The following BZW2 variants were observed in gnomAD, a reference collection of about 807,000 sequenced individuals.
BZW2 encodes eIF5-mimic protein 1.
Under a neutral mutation model 53.2 loss-of-function variants are expected in BZW2, and 23 were observed. The ratio of observed to expected loss-of-function variants is 0.43; its 90% confidence interval spans 0.31 to 0.61. The LOEUF (loss-of-function observed/expected upper bound fraction) is 0.61, where lower values mean the gene tolerates loss of function less well. Among genes scored for constraint, BZW2 ranks in the 20% least tolerant of loss-of-function variants. The pLI is 0.09. For synonymous variants in BZW2, 227 were observed against 186.4 expected (o/e 1.22, Z -1.77); for missense variants, 409 against 503.1 (o/e 0.81, Z 1.79).
At chr7:16,675,596 GC>G (rs1204434370) in intron 3 of BZW2, among the ~76,000 whole-genome samples, 1 of 152,126 alleles carries the variant, frequency 6.6e-6, no homozygotes, top group African/African-American at 2.4e-5. Flanking sequence ...TGACTACTAG[GC>G]CTTCTGTCAT....
chr7:16,667,842 T>A (rs941532313), intron 2 of BZW2, among the ~76,000 whole-genome samples: 5 of 152,196 alleles, frequency 3.3e-5, no homozygotes, highest in African/African-American at 1.2e-4. Flanking sequence ...CTGAGCCACT[T>A]CTCTATTTAG....
intron 8 of BZW2, chr7:16,696,025 T>C (rs945939912): frequency 6.6e-6 from 1 of 152,198 alleles, no homozygotes; most frequent in Non-Finnish European, 1.5e-5. Flanking sequence ...GCACAGGGAC[T>C]GGGACTGCCC....
intron 1 of BZW2, among the ~76,000 whole-genome samples, chr7:16,660,397 A>AT (rs914990634): frequency 2.3e-5 from 3 of 129,028 alleles, no homozygotes; most frequent in East Asian, 2.6e-4. Context: ...GAGACTCCAT[A>AT]TTTAAAAAAA....
intron 10 of BZW2, among the ~76,000 whole-genome samples, chr7:16,699,295 C>T (rs1190393504): frequency 6.6e-6 from 1 of 152,152 alleles, no homozygotes; most frequent in African/African-American, 2.4e-5. Flanking sequence ...CATAAGATAG[C>T]AGTGTCCTAA....
chr7:16,682,919 C>A, intron 5 of BZW2, 74 bp downstream of exon 5: 2 of 1,026,608 alleles, frequency 1.9e-6, no homozygotes, highest in Non-Finnish European at 2.8e-6. Context: ...TATAAGTGGC[C>A]GGACACGGTG....
At chr7:16,665,580 T>C (rs1782399151) in intron 2 of BZW2, 79 bp downstream of exon 2, 9 of 1,564,380 alleles carry the variant, frequency 5.8e-6, no homozygotes, top group Non-Finnish European at 6.9e-6. Context: ...GAATGATCCC[T>C]GTTTCCCCCA....
At chr7:16,677,778 T>C (rs1782811529) in intron 3 of BZW2, among the ~76,000 whole-genome samples, 1 of 152,154 alleles carries the variant, frequency 6.6e-6, no homozygotes, top group Non-Finnish European at 1.5e-5. Flanking sequence ...AAAGGCCTGG[T>C]CCAGTAAATA....
chr7:16,675,637 A>C (rs1330695134), intron 3 of BZW2, among the ~76,000 whole-genome samples: 1 of 152,114 alleles, frequency 6.6e-6, no homozygotes, highest in Non-Finnish European at 1.5e-5. Flanking sequence ...CCACATACTG[A>C]ATTAGTTTTG....
chr7:16,681,548 A>G (rs1360611105), intron 4 of BZW2, 144 bp downstream of exon 4: 1 of 682,056 alleles, frequency 1.5e-6, no homozygotes, highest in African/African-American at 1.8e-5. Flanking sequence ...CTACAAAAAT[A>G]GGCCTAGCAG....
At chr7:16,686,279 A>C (rs55919881) in intron 6 of BZW2, 106,270 of 463,950 alleles carry the variant, frequency 0.23, 14,474 homozygotes, top group Non-Finnish European at 0.29. Flanking sequence ...AAGAAAGACT[A>C]ATAGCAAATT....
intron 3 of BZW2, among the ~76,000 whole-genome samples, chr7:16,676,081 G>A (rs554942962): frequency 2.0e-5 from 3 of 152,106 alleles, no homozygotes; most frequent in South Asian, 4.2e-4. Flanking sequence ...ATTCTCTCTC[G>A]AAAAGAAAAA....
At chr7:16,677,794 T>C (rs575416759) in intron 3 of BZW2, among the ~76,000 whole-genome samples, 3 of 152,226 alleles carry the variant, frequency 2.0e-5, no homozygotes, top group East Asian at 1.9e-4. Context: ...AAATAATAAT[T>C]TGGGCGTCTG....
intron 3 of BZW2, among the ~76,000 whole-genome samples, chr7:16,678,112 T>TA (rs1554266840): frequency 3.9e-4 from 56 of 143,736 alleles, no homozygotes; most frequent in Middle Eastern, 3.5e-3. Flanking sequence ...TTTTTTTTTT[T>TA]AATGCTGTCG....
At chr7:16,699,905 A>C (rs933957865) in intron 10 of BZW2, among the ~76,000 whole-genome samples, 23 of 152,192 alleles carry the variant, frequency 1.5e-4, no homozygotes, top group Admixed American at 4.6e-4. Context: ...GTATGACCTG[A>C]AATTAGAAAA....
intron 3 of BZW2, among the ~76,000 whole-genome samples, chr7:16,677,444 A>C (rs34542171): frequency 0.095 from 14,387 of 152,080 alleles, 786 homozygotes; most frequent in East Asian, 0.23. Context: ...AGGTTGGCCA[A>C]CGACCGCTCT....
In BZW2 at chr7:16,682,823, C is replaced by A; in HGVS notation, c.383C>A (p.Ala128Glu). 1 of 1,576,562 alleles carries A rather than the reference C, an allele frequency of 6.3e-7. No individual in the cohort carries two copies. Among genetic ancestry groups the A allele is most frequent in the Non-Finnish European group, 8.7e-7 (1 of 1,154,222 alleles). Residue 128 changes from alanine (A) to glutamate (E), a missense_variant, in exon 5 of 12, where the codon GCA becomes GAA. Ala to Glu is a moderately radical substitution (Grantham distance 107, BLOSUM62 -1). This residue lies in a region of BZW2 where 316 missense variants were observed against 366.8 expected (regional missense o/e 0.86). Coordinates refer to ENST00000258761, the MANE Select transcript of BZW2 (RefSeq NM_014038.3). ...AGGAGATATAAGTATTTGGAGAAGG[C>A]ATTTGAAGATGAAATGAAAAAGGTA... Reference protein sequence around the residue: ...LIRRYKYLEKAFEDEMKKLLL... With the variant: ...LIRRYKYLEKEFEDEMKKLLL...
chr7:16,663,218 A>C (rs1782320161), intron 1 of BZW2, among the ~76,000 whole-genome samples: 1 of 152,202 alleles, frequency 6.6e-6, no homozygotes, highest in African/African-American at 2.4e-5. Flanking sequence ...GCCCCCATAC[A>C]CATAAGCAAT....
At position 16,681,347 on chromosome 7, in the gene BZW2, C is replaced by A. The variant is rs1373260020; in HGVS notation, c.282C>A (p.Thr94=). ...RIDDGDKTKM[T]NHCVFSANED... is the part of the protein sequence containing the mutation. The stretch of plus-strand genomic sequence containing the variant: ...ATGATGGTGACAAGACCAAGATGAC[C>A]AACCACTGTGTGTTTTCAGCAAATG... The change falls in exon 4 of 12, where the codon ACC becomes ACA. Residue 94 remains threonine, a synonymous_variant. Coordinates refer to ENST00000258761, the MANE Select transcript of BZW2 (RefSeq NM_014038.3). 2 of 1,613,986 alleles carry A rather than the reference C, an allele frequency of 1.2e-6. No individual in the cohort carries two copies. Among genetic ancestry groups the A allele is most frequent in the Non-Finnish European group, 1.7e-6 (2 of 1,179,966 alleles).
At chr7:16,653,849 C>T (rs1478646654) in intron 1 of BZW2, among the ~76,000 whole-genome samples, 3 of 152,082 alleles carry the variant, frequency 2.0e-5, no homozygotes, top group African/African-American at 7.2e-5. Context: ...TTGGGAAGAG[C>T]ACTACCCTTC....
Sources: gnomAD v4.1 joint callset for allele counts (sites outside exome capture counted in the v4.1 genomes callset) on GRCh38, gnomAD v4.1.1 for gene constraint, gnomAD v4.1.1 regional missense constraint, MANE v1.5 for transcripts, NCBI Gene and HGNC (gene_info 2026-07-23, HGNC 2026-07-21) for gene names.